Variants in CPNE8 observed in about 807,000 individuals in gnomAD.
CPNE8 encodes copine 8.
Under a neutral mutation model 81.5 loss-of-function variants are expected in CPNE8, and 45 were observed. That is an observed-to-expected ratio of 0.55 (90% CI 0.44 to 0.71). The LOEUF is 0.71. Ranked by LOEUF, CPNE8 falls within the 30% of genes least tolerant of loss-of-function variation. CPNE8 has a pLI of 0.00. For synonymous variants in CPNE8, 252 were observed against 226.3 expected, an observed-to-expected ratio of 1.11 and a Z score of -1.02; for missense variants, 594 against 672.1, an observed-to-expected ratio of 0.88 and a Z score of 1.28.
At chr12:38,667,517 C>T (rs1939083652) in intron 19 of CPNE8, among the ~76,000 whole-genome samples, 1 of 152,128 alleles carries the variant, frequency 6.6e-6, no homozygotes, top group Admixed American at 6.5e-5. Flanking sequence ...TACTGACCAC[C>T]ATGTAGAAAC....
intron 1 of CPNE8, among the ~76,000 whole-genome samples, chr12:38,888,947 C>A (rs1944273505): frequency 1.3e-5 from 2 of 152,206 alleles, no homozygotes; most frequent in African/African-American, 2.4e-5. Flanking sequence ...ACGTTCCTTT[C>A]TTCAACTATA....
At chr12:38,709,128 A>T (rs912486888) in intron 13 of CPNE8, among the ~76,000 whole-genome samples, 1 of 152,112 alleles carries the variant, frequency 6.6e-6, no homozygotes, top group African/African-American at 2.4e-5. Flanking sequence ...TTCTGCCTTG[A>T]TTTACCAATA....
intron 3 of CPNE8, among the ~76,000 whole-genome samples, chr12:38,861,394 T>G (rs1055832558): frequency 3.9e-5 from 6 of 151,902 alleles, no homozygotes; most frequent in Admixed American, 2.0e-4. Context: ...TAAAGAAAAA[T>G]CAAAGCAAAG....
chr12:38,844,249 C>T (rs532762548), intron 4 of CPNE8, among the ~76,000 whole-genome samples: 4 of 152,118 alleles, frequency 2.6e-5, no homozygotes, highest in South Asian at 4.2e-4. Context: ...AATGGAAAAA[C>T]GAATGAGAAG....
intron 4 of CPNE8, among the ~76,000 whole-genome samples, chr12:38,842,128 T>G (rs1943478747): frequency 6.6e-6 from 1 of 151,948 alleles, no homozygotes; most frequent in African/African-American, 2.4e-5. Context: ...TCAACAGCTA[T>G]AGCCTGGAAT....
chr12:38,722,865 C>T (rs1031114368), intron 13 of CPNE8, among the ~76,000 whole-genome samples: 2 of 152,030 alleles, frequency 1.3e-5, no homozygotes, highest in Non-Finnish European at 2.9e-5. Flanking sequence ...GGGCAGTTTC[C>T]CCCATGCTGT....
At chr12:38,888,982 C>T (rs1944273962) in intron 1 of CPNE8, among the ~76,000 whole-genome samples, 2 of 152,186 alleles carry the variant, frequency 1.3e-5, no homozygotes, top group Non-Finnish European at 2.9e-5. Flanking sequence ...TTATCAAGCA[C>T]TTTCTATATG....
intron 14 of CPNE8, among the ~76,000 whole-genome samples, chr12:38,698,537 C>G (rs1253285100): frequency 6.6e-6 from 1 of 152,152 alleles, no homozygotes; most frequent in East Asian, 1.9e-4. Context: ...ATAGCATTAG[C>G]TTTTACATTT....
intron 10 of CPNE8, among the ~76,000 whole-genome samples, chr12:38,748,676 T>C (rs1941291196): frequency 6.6e-6 from 1 of 152,068 alleles, no homozygotes; most frequent in South Asian, 2.1e-4. Flanking sequence ...AATTTTTTTT[T>C]GTATTTTTAG....
chr12:38,881,079 G>A (rs1015540195), intron 1 of CPNE8, among the ~76,000 whole-genome samples: 1 of 151,928 alleles, frequency 6.6e-6, no homozygotes, highest in African/African-American at 2.4e-5. Context: ...GCGTGGTGGC[G>A]GGCGCCTTCA....
intron 6 of CPNE8, among the ~76,000 whole-genome samples, chr12:38,827,307 A>C (rs1219456713): frequency 6.6e-6 from 1 of 152,198 alleles, no homozygotes; most frequent in Admixed American, 6.5e-5. Context: ...CTATTACTAA[A>C]AAGTCAAAAA....
At chr12:38,890,522 C>G (rs1565664724) in intron 1 of CPNE8, among the ~76,000 whole-genome samples, 1 of 152,058 alleles carries the variant, frequency 6.6e-6, no homozygotes, top group East Asian at 1.9e-4. Flanking sequence ...TTTGACTTTT[C>G]TAAAATTTTA....
chr12:38,796,296 A>G (rs189769619), intron 6 of CPNE8, among the ~76,000 whole-genome samples: 38 of 152,194 alleles, frequency 2.5e-4, no homozygotes, highest in South Asian at 1.0e-3. Flanking sequence ...CAAAAAATTA[A>G]AAACAAAAAA....
At chr12:38,703,798 T>C (rs942930662) in intron 13 of CPNE8, among the ~76,000 whole-genome samples, 3 of 152,076 alleles carry the variant, frequency 2.0e-5, no homozygotes, top group Non-Finnish European at 2.9e-5. Context: ...TATATACCAA[T>C]AATGTTCAAG....
chr12:38,823,677 G>A (rs1401350090), intron 6 of CPNE8, among the ~76,000 whole-genome samples: 10 of 152,120 alleles, frequency 6.6e-5, no homozygotes, highest in Non-Finnish European at 1.3e-4. Context: ...ATGCCTGGCT[G>A]AGAGTAACAG....
At chr12:38,790,869 G>T (rs1421348737) in intron 6 of CPNE8, among the ~76,000 whole-genome samples, 1 of 151,564 alleles carries the variant, frequency 6.6e-6, no homozygotes, top group African/African-American at 2.4e-5. Flanking sequence ...GCCCTGTACT[G>T]ATTGTTGTAG....
chr12:38,821,416 G>A (rs1249891256), intron 6 of CPNE8, among the ~76,000 whole-genome samples: 1 of 152,106 alleles, frequency 6.6e-6, no homozygotes. Flanking sequence ...ACCAGAATCT[G>A]TCAGTAAATT....
At chr12:38,857,733 A>T (rs1326218279) in intron 3 of CPNE8, among the ~76,000 whole-genome samples, 1 of 152,168 alleles carries the variant, frequency 6.6e-6, no homozygotes, top group East Asian at 1.9e-4. Flanking sequence ...CAACATGGCG[A>T]ACCCCCAAAA....
At chr12:38,815,641 C>T (rs1399698802) in intron 6 of CPNE8, among the ~76,000 whole-genome samples, 3 of 152,090 alleles carry the variant, frequency 2.0e-5, no homozygotes, top group African/African-American at 7.2e-5. Context: ...ACATCATATG[C>T]CAGAAACTAA....
Sources: gnomAD v4.1 joint callset for allele counts (sites outside exome capture counted in the v4.1 genomes callset) on GRCh38, gnomAD v4.1.1 for gene constraint, MANE v1.5 for transcripts, NCBI Gene and HGNC (gene_info 2026-07-23, HGNC 2026-07-21) for gene names.